TAB3: variants seen among roughly 807,000 people sequenced by gnomAD.
TAB3 encodes the protein TGF-beta-activated kinase 1 and MAP3K7-binding protein 3.
A neutral mutation model predicts 48.1 loss-of-function variants in TAB3; 18 were observed. The observed-to-expected ratio is 0.37, with a 90% CI of 0.26 to 0.55. The LOEUF (loss-of-function observed/expected upper bound fraction) is 0.55. Ranked by LOEUF, TAB3 falls within the 20% of genes least tolerant of loss-of-function variation. TAB3 has a pLI of 0.78. For synonymous variants in TAB3, 185 were observed against 190.2 expected (o/e 0.97, Z 0.22); for missense variants, 414 against 549.8 (o/e 0.75, Z 2.47).
rs990075374 is a variant in TAB3 at position 30,827,962 on chromosome X, T to C, written c.*3465A>G. On this transcript the variant is annotated 3_prime_UTR_variant, in exon 11 of 11. Transcript: ENST00000288422. ...ACAGACAGTGCCCAATTTATTCTGA[T>C]TTTTAAAAGTAACATTTCAGTTGTC... 1.8e-5 allele frequency: 2 copies of C among 112,542 alleles called. No homozygotes were observed. Among genetic ancestry groups the C allele is most frequent in the Non-Finnish European group, 3.8e-5 (2 of 53,226 alleles). The allele number at this position is 112,542 out of a possible 1,213,427, so 9.3% of individuals were successfully genotyped here.
intron 9 of TAB3, among the ~76,000 whole-genome samples, chrX:30,841,273 T>A (rs1938428622): frequency 9.0e-6 from 1 of 110,991 alleles, no homozygotes; most frequent in Non-Finnish European, 1.9e-5. Context: ...ATACAAAAAT[T>A]AGCCGGGCAT....
At position 30,851,679 on chromosome X, in the gene TAB3, G is replaced by C. The variant is rs557615543; in HGVS notation, c.1710+1099C>G. Among the ~76,000 whole-genome samples, 10 of 112,101 alleles carry C rather than the reference G, an allele frequency of 8.9e-5. No individual in the cohort carries two copies. The South Asian group carries it at 3.7e-3, about 41-fold the overall frequency. On this transcript the variant is annotated intron_variant, in intron 7 of 10. Coordinates refer to ENST00000288422, the MANE Select transcript of TAB3 (RefSeq NM_152787.5). ...ACTTCTCTATGAGGGAGTGGCTGCA[G>C]ACATGCTGACTGCAAGAGGCCTGAC...
At chrX:30,839,935 TA>T in intron 9 of TAB3, among the ~76,000 whole-genome samples, 1 of 93,590 alleles carries the variant, frequency 1.1e-5, no homozygotes, top group South Asian at 4.8e-4. Flanking sequence ...TATATATATA[TA>T]TATATATAAT....
In TAB3 at chrX:30,831,320, G is replaced by A. The variant is rs1938026196; in HGVS notation, c.*107C>T. 2.2e-6 allele frequency: 2 copies of A among 927,332 alleles called. No homozygotes were observed. Among genetic ancestry groups the A allele is most frequent in the South Asian group, 3.4e-5 (1 of 29,508 alleles). 76.4% of individuals were successfully genotyped at this position (927,332 alleles called of 1,213,427 possible). On this transcript the variant is annotated 3_prime_UTR_variant, in exon 11 of 11. Coordinates refer to ENST00000288422, the MANE Select transcript of TAB3 (RefSeq NM_152787.5). ...CAAAGCCATTCCTCCTCCCCGCTGT[G>A]CAATCGAAAATGAAAAGGCTGGGTG...
At chrX:30,862,676 T>TA (rs1400951771) in intron 4 of TAB3, among the ~76,000 whole-genome samples, 8 of 111,852 alleles carry the variant, frequency 7.2e-5, no homozygotes, top group African/African-American at 2.6e-4. Flanking sequence ...CCCTCAAAGG[T>TA]AGTTATGATT....
At chrX:30,861,246 T>C (rs1939243338) in intron 4 of TAB3, among the ~76,000 whole-genome samples, 1 of 111,788 alleles carries the variant, frequency 8.9e-6, no homozygotes, top group Non-Finnish European at 1.9e-5. Flanking sequence ...AAATGATGAA[T>C]CAATTTCACT....
Position 30,854,304 on chromosome X carries a change from A to T in TAB3, c.1361T>A (p.Val454Asp). ...TGCTCGGCCTACGGTAATTTTAAAA[A>T]CTGTAGTTGGGTTTGGTATCACTCG... is the stretch of plus-strand genomic sequence containing the variant. ...SPRVIPNPTT[V>D]FKITVGRATT... The change falls in exon 6 of 11, where the codon GTT becomes GAT. Residue 454 changes from valine (V) to aspartate (D), a missense_variant. Physicochemically the swap from Val to Asp is radical, Grantham distance 152. Transcript: ENST00000288422. 1 of 1,211,366 alleles carries T rather than the reference A, an allele frequency of 8.3e-7. No individual in the cohort carries two copies. The highest frequency in any genetic ancestry group is 1.1e-6 in the Non-Finnish European group (1 of 895,391).
At chrX:30,853,068 T>A in intron 6 of TAB3, 130 bp from the exon 7 acceptor site, 1 of 643,421 alleles carries the variant, frequency 1.6e-6, no homozygotes, top group East Asian at 3.6e-5. Context: ...CATGTCTTTC[T>A]AATGCTATGC....
chrX:30,852,747 T>C (rs1380731688), intron 7 of TAB3, 31 bp downstream of exon 7: 1 of 1,158,061 alleles, frequency 8.6e-7, no homozygotes, highest in South Asian at 2.1e-5. Flanking sequence ...ATCCCGACCC[T>C]CCTATTAACA....
At chrX:30,853,053 ACT>A in intron 6 of TAB3, 115 bp from the exon 7 acceptor site, 2 of 752,969 alleles carry the variant, frequency 2.7e-6, no homozygotes, top group African/African-American at 2.1e-5. Context: ...GTTGGCATTT[ACT>A]CTCATGTCTT....
At chrX:30,851,834 T>G (rs1000378781) in intron 7 of TAB3, among the ~76,000 whole-genome samples, 8 of 111,846 alleles carry the variant, frequency 7.2e-5, no homozygotes, top group Middle Eastern at 4.6e-3. Flanking sequence ...CAGACAAGAT[T>G]TACACGTGCA....
intron 1 of TAB3, among the ~76,000 whole-genome samples, chrX:30,872,370 G>GT (rs764007813): frequency 5.3e-4 from 59 of 111,219 alleles, no homozygotes; most frequent in East Asian, 5.6e-4. Context: ...CTTTTCTTCT[G>GT]TTTTTTTGTT....
chrX:30,831,880 G>A (rs757148039), intron 10 of TAB3, among the ~76,000 whole-genome samples: 1 of 111,855 alleles, frequency 8.9e-6, no homozygotes, highest in East Asian at 2.8e-4. Flanking sequence ...GCCAAATGAA[G>A]AAAAAGAGAA....
rs374990188 is a variant in TAB3, at chrX:30,834,171, C to T, written c.1889-19G>A. On this transcript the variant is annotated intron_variant, in intron 9 of 10. Coordinates refer to ENST00000288422, the MANE Select transcript of TAB3 (RefSeq NM_152787.5). ...GAGGAGTCTGCATAAAAATAAACAACGCCAGAAAGAAGTGATCCAGTCTTT... is the reference window on the plus strand; with the variant it reads ...GAGGAGTCTGCATAAAAATAAACAATGCCAGAAAGAAGTGATCCAGTCTTT... 2.2e-5 allele frequency: 26 copies of T among 1,182,437 alleles called. No individual in the cohort carries two copies. The highest frequency in any genetic ancestry group is 5.4e-5 in the South Asian group (3 of 55,167).
At chrX:30,868,368 T>TATATATATA (rs755452674) in intron 2 of TAB3, among the ~76,000 whole-genome samples, 53 of 4,948 alleles carry the variant, frequency 0.011, 23 homozygotes, top group Non-Finnish European at 0.015. Context: ...TATATATATA[T>TATATATATA]AGCTTATATA....
chrX:30,853,352 T>C (rs2147357632), intron 6 of TAB3, among the ~76,000 whole-genome samples: 1 of 112,990 alleles, frequency 8.9e-6, no homozygotes, highest in African/African-American at 3.2e-5. Context: ...TACTATTAGC[T>C]AATCCAGTAA....
intron 1 of TAB3, among the ~76,000 whole-genome samples, chrX:30,878,042 C>G (rs1939887318): frequency 8.9e-6 from 1 of 112,292 alleles, no homozygotes. Flanking sequence ...TAAAAAGAGT[C>G]CCTTCATAGT....
chrX:30,841,374 C>G (rs1266571106), intron 9 of TAB3, among the ~76,000 whole-genome samples: 3 of 107,570 alleles, frequency 2.8e-5, no homozygotes, highest in African/African-American at 1.0e-4. Flanking sequence ...GAGATAGTGC[C>G]ACTGCATTCC....
At chrX:30,839,927 TATATATATATATATATA>T (rs1311764406) in intron 9 of TAB3, among the ~76,000 whole-genome samples, 2 of 98,714 alleles carry the variant, frequency 2.0e-5, no homozygotes, top group Non-Finnish European at 4.0e-5. Context: ...TATATATATA[TATATATATATATATATA>T]ATATATATTA....
Sources: gnomAD v4.1 joint callset for allele counts (sites outside exome capture counted in the v4.1 genomes callset) on GRCh38, gnomAD v4.1.1 for gene constraint, MANE v1.5 for transcripts, NCBI Gene and HGNC (gene_info 2026-07-23, HGNC 2026-07-21) for gene names.